CHST9: variants seen among roughly 807,000 people sequenced by gnomAD.
The protein encoded by CHST9 is GalNAc-4-sulfotransferase 2.
CHST9 carries 41 observed loss-of-function variants against 44.4 expected under a neutral mutation model. The observed-to-expected ratio is 0.92, with a 90% CI of 0.72 to 1.20. The LOEUF is 1.20. Ranked by LOEUF, CHST9 falls within the 50% of genes most tolerant of loss-of-function variation. The pLI is 0.00. For synonymous variants in CHST9, 171 were observed against 178.4 expected, an observed-to-expected ratio of 0.96 and a Z score of 0.33; for missense variants, 504 against 516.5, an observed-to-expected ratio of 0.98 and a Z score of 0.23.
intron 5 of CHST9, among the ~76,000 whole-genome samples, chr18:26,930,055 C>T (rs116999460): frequency 0.019 from 2,911 of 152,304 alleles, 31 homozygotes; most frequent in Non-Finnish European, 0.03. Context: ...ATCAGATTGG[C>T]CTGTGTCAGC....
At chr18:27,143,443 C>G (rs2058585209) in intron 1 of CHST9, among the ~76,000 whole-genome samples, 1 of 152,044 alleles carries the variant, frequency 6.6e-6, no homozygotes, top group Non-Finnish European at 1.5e-5. Context: ...GGTCAGGGTT[C>G]AAGGACCCCT....
intron 5 of CHST9, among the ~76,000 whole-genome samples, chr18:26,920,494 T>C (rs1433791290): frequency 6.6e-6 from 1 of 152,202 alleles, no homozygotes; most frequent in East Asian, 1.9e-4. Context: ...TCCTTCTCTG[T>C]TGTCTTTTTC....
At chr18:27,014,165 A>G (rs1431267905) in intron 4 of CHST9, among the ~76,000 whole-genome samples, 1 of 152,180 alleles carries the variant, frequency 6.6e-6, no homozygotes. Context: ...CTCATAATCG[A>G]AACATTTCAA....
At chr18:27,084,452 C>T (rs2057990110) in intron 2 of CHST9, among the ~76,000 whole-genome samples, 1 of 92,818 alleles carries the variant, frequency 1.1e-5, no homozygotes, top group African/African-American at 3.9e-5. Flanking sequence ...TCATAACACT[C>T]GCTGGGTTTT....
At chr18:27,125,910 A>C (rs1192787178) in intron 2 of CHST9, among the ~76,000 whole-genome samples, 11 of 152,256 alleles carry the variant, frequency 7.2e-5, no homozygotes, top group Admixed American at 7.2e-4. Flanking sequence ...GAAGTGTAAA[A>C]GGGTAACATG....
chr18:27,073,728 C>A (rs757058536), intron 2 of CHST9, among the ~76,000 whole-genome samples: 5 of 151,962 alleles, frequency 3.3e-5, no homozygotes, highest in Non-Finnish European at 5.9e-5. Flanking sequence ...TTCCCCTACT[C>A]CCCCGCAACC....
At chr18:27,105,958 C>A (rs1044785289) in intron 2 of CHST9, among the ~76,000 whole-genome samples, 2 of 152,106 alleles carry the variant, frequency 1.3e-5, no homozygotes, top group African/African-American at 4.8e-5. Context: ...AAATACATTT[C>A]GCAAATTTTT....
At chr18:27,142,228 T>A (rs1407350433) in intron 2 of CHST9, among the ~76,000 whole-genome samples, 1 of 152,236 alleles carries the variant, frequency 6.6e-6, no homozygotes, top group Non-Finnish European at 1.5e-5. Flanking sequence ...TAGTCCTTTA[T>A]AGAAAAGATT....
intron 5 of CHST9, among the ~76,000 whole-genome samples, chr18:26,932,734 G>A (rs753286231): frequency 1.8e-4 from 28 of 152,150 alleles, no homozygotes; most frequent in Non-Finnish European, 2.2e-4. Flanking sequence ...GTGTTCAGTT[G>A]CAGTATCTTC....
chr18:26,954,671 C>T (rs1248432267), intron 4 of CHST9, among the ~76,000 whole-genome samples: 1 of 152,124 alleles, frequency 6.6e-6, no homozygotes, highest in Non-Finnish European at 1.5e-5. Flanking sequence ...TCAAGTCTCA[C>T]TTTAATATTA....
chr18:27,112,085 T>C (rs983343063), intron 2 of CHST9, among the ~76,000 whole-genome samples: 5 of 148,796 alleles, frequency 3.4e-5, no homozygotes, highest in Non-Finnish European at 7.4e-5. Flanking sequence ...TTTATATATT[T>C]ACATATGCGT....
At chr18:27,010,146 G>A (rs191051987) in intron 4 of CHST9, among the ~76,000 whole-genome samples, 167 of 152,120 alleles carry the variant, frequency 1.1e-3, no homozygotes, top group African/African-American at 3.7e-3. Context: ...CTGAAGATAC[G>A]TATTTTTTTC....
chr18:27,073,017 G>A (rs2057858340), intron 2 of CHST9, among the ~76,000 whole-genome samples: 1 of 152,162 alleles, frequency 6.6e-6, no homozygotes, highest in East Asian at 1.9e-4. Flanking sequence ...TTTGCCCGCT[G>A]AAATTTGAGA....
intron 2 of CHST9, among the ~76,000 whole-genome samples, chr18:27,067,495 G>C (rs1249768704): frequency 6.6e-6 from 1 of 152,060 alleles, no homozygotes; most frequent in Non-Finnish European, 1.5e-5. Context: ...CTGTAATAGG[G>C]TCAAAGGATT....
At chr18:26,952,188 C>A in intron 4 of CHST9, 2 of 524,630 alleles carry the variant, frequency 3.8e-6, no homozygotes, top group Non-Finnish European at 7.7e-6. Flanking sequence ...ATGGACTTCA[C>A]CTCCCAAAAG....
At chr18:26,930,977 C>G (rs1288212034) in intron 5 of CHST9, among the ~76,000 whole-genome samples, 3 of 152,014 alleles carry the variant, frequency 2.0e-5, no homozygotes, top group Non-Finnish European at 4.4e-5. Flanking sequence ...CTGTTTCTGC[C>G]CCCACCCATT....
chr18:26,947,104 T>G (rs1002320653), intron 4 of CHST9, among the ~76,000 whole-genome samples: 3 of 152,226 alleles, frequency 2.0e-5, no homozygotes, highest in African/African-American at 2.4e-5. Context: ...ATACATTACT[T>G]TGGGCAGTGT....
chr18:27,138,395 A>C lies in CHST9; in HGVS notation c.121+4294T>G, dbSNP rs1598749958. Among the ~76,000 whole-genome samples, 5 of 152,184 alleles carry C rather than the reference A, an allele frequency of 3.3e-5. 1 individual carries two copies. The highest frequency in any genetic ancestry group is 3.3e-4 in the Admixed American group (5 of 15,284). On this transcript the variant is annotated intron_variant, in intron 2 of 5. Coordinates refer to ENST00000618847, the MANE Select transcript of CHST9 (RefSeq NM_031422.6). The stretch of plus-strand genomic sequence containing the variant: ...CCTGGACAATGACCTCTCTCTATGC[A>C]CTCAATCCTATCCTTCTCCTGCCAG...
chr18:27,157,230 A>G (rs926603821), intron 1 of CHST9, among the ~76,000 whole-genome samples: 53 of 151,688 alleles, frequency 3.5e-4, no homozygotes, highest in African/African-American at 1.3e-3. Flanking sequence ...TCTAGGCATC[A>G]GATGTGTTGT....
Sources: allele counts gnomAD v4.1 joint callset (sites outside exome capture counted in the v4.1 genomes callset), GRCh38; gene constraint gnomAD v4.1.1; transcripts MANE v1.5; gene names NCBI Gene and HGNC (gene_info 2026-07-23, HGNC 2026-07-21).